NINL: variants seen among roughly 807,000 people sequenced by gnomAD.
The protein encoded by NINL is ninein like, also known as ninein-like protein.
NINL carries 153 observed loss-of-function variants against 160.3 expected under a neutral mutation model. That is an observed-to-expected ratio of 0.95 (90% CI 0.84 to 1.09). The LOEUF (loss-of-function observed/expected upper bound fraction) is 1.09. NINL is among the 50% of genes least tolerant of loss of function. NINL has a pLI of 0.00. For missense variants in NINL, 1,829 were observed against 1,764.0 expected (o/e 1.04, Z -0.66); for synonymous variants, 800 against 734.8 (o/e 1.09, Z -1.43).
chr20:25,585,521 C>T lies in NINL; in HGVS notation c.-78G>A, dbSNP rs1375807412. On this transcript the variant is annotated 5_prime_UTR_variant, in exon 1 of 24. Coordinates refer to ENST00000278886, the MANE Select transcript of NINL (RefSeq NM_025176.6). ...CGCGGCACCACCCCCGTACCGCCGG[C>T]CGCTCTTTGTGTCTGGAGGCCGCGA... 2.0e-5 allele frequency: 3 copies of T among 152,222 alleles called. No individual in the cohort carries two copies. Among genetic ancestry groups the T allele is most frequent in the African/African-American group, 7.2e-5 (3 of 41,462 alleles). The allele number at this position is 152,222 out of a possible 1,614,324, so 9.4% of individuals were successfully genotyped here. A position where few individuals can be genotyped will look rare whatever the true frequency, so the allele number is the denominator to read the frequency against.
At chr20:25,511,507 C>G (rs1373325587) in intron 4 of NINL, among the ~76,000 whole-genome samples, 2 of 152,218 alleles carry the variant, frequency 1.3e-5, no homozygotes, top group Non-Finnish European at 2.9e-5. Context: ...TGCTTCAAAG[C>G]TGGCACTGGC....
intron 1 of NINL, among the ~76,000 whole-genome samples, chr20:25,545,277 G>T (rs1434095446): frequency 6.6e-6 from 1 of 152,176 alleles, no homozygotes; most frequent in African/African-American, 2.4e-5. Flanking sequence ...TAAAGGAGGA[G>T]TCAGTTCCAC....
intron 17 of NINL, among the ~76,000 whole-genome samples, chr20:25,474,759 C>T (rs949067250): frequency 6.6e-6 from 1 of 151,408 alleles, no homozygotes; most frequent in Admixed American, 6.6e-5. Context: ...GGACTACAAG[C>T]GCATGCCACC....
intron 1 of NINL, among the ~76,000 whole-genome samples, chr20:25,531,982 T>C (rs920653903): frequency 6.6e-6 from 1 of 152,142 alleles, no homozygotes; most frequent in East Asian, 1.9e-4. Context: ...CATCTTTCCC[T>C]TTCTAAACAA....
chr20:25,467,242 T>G, intron 19 of NINL, 147 bp downstream of exon 19: 1 of 709,552 alleles, frequency 1.4e-6, no homozygotes, highest in Non-Finnish European at 2.5e-6. Context: ...TGTCTGACTT[T>G]GATGGGGCCT....
At chr20:25,579,313 G>A (rs550963885) in intron 1 of NINL, among the ~76,000 whole-genome samples, 3 of 152,190 alleles carry the variant, frequency 2.0e-5, no homozygotes, top group East Asian at 1.9e-4. Flanking sequence ...AGTACACCCC[G>A]GCTCAGCCTC....
At chr20:25,530,374 C>T (rs547523334) in intron 1 of NINL, among the ~76,000 whole-genome samples, 1 of 152,264 alleles carries the variant, frequency 6.6e-6, no homozygotes, top group Admixed American at 6.5e-5. Flanking sequence ...TTAAAAAATA[C>T]AACGTGCTCT....
intron 10 of NINL, among the ~76,000 whole-genome samples, chr20:25,494,621 G>A (rs2063711469): frequency 6.6e-6 from 1 of 152,214 alleles, no homozygotes; most frequent in African/African-American, 2.4e-5. Context: ...AACAGAGGCG[G>A]GGTGAGGCCC....
At chr20:25,568,161 G>GATAA (rs1030169425) in intron 1 of NINL, among the ~76,000 whole-genome samples, 9 of 149,764 alleles carry the variant, frequency 6.0e-5, no homozygotes, top group Non-Finnish European at 8.9e-5. Flanking sequence ...CAATAAAATT[G>GATAA]ATAAACCTCT....
chr20:25,473,392 G>C (rs567158929), intron 17 of NINL, among the ~76,000 whole-genome samples: 1 of 151,792 alleles, frequency 6.6e-6, no homozygotes, highest in South Asian at 2.1e-4. Flanking sequence ...GAGGCAGAAG[G>C]ATCGCTTGAG....
At chr20:25,454,464 A>AGAAAGGGTGAGAG (rs749796008) in intron 23 of NINL, among the ~76,000 whole-genome samples, 132 of 152,104 alleles carry the variant, frequency 8.7e-4, no homozygotes, top group Admixed American at 1.9e-3. Context: ...TGTGCCAGGG[A>AGAAAGGGTGAGAG]GAAAGGGTGA....
intron 19 of NINL, 120 bp downstream of exon 19, chr20:25,467,269 C>T: frequency 1.1e-6 from 1 of 907,602 alleles, no homozygotes. Flanking sequence ...CAGTCAGCAA[C>T]TCACTGTCAA....
At chr20:25,548,939 C>T (rs1340141083) in intron 1 of NINL, among the ~76,000 whole-genome samples, 2 of 148,820 alleles carry the variant, frequency 1.3e-5, no homozygotes, top group Non-Finnish European at 3.0e-5. Flanking sequence ...ACCTCCCACA[C>T]CCAGCCTCAC....
chr20:25,527,126 C>T (rs1251862927), intron 1 of NINL, among the ~76,000 whole-genome samples: 1 of 151,670 alleles, frequency 6.6e-6, no homozygotes, highest in African/African-American at 2.4e-5. Flanking sequence ...AAAAACACTA[C>T]TATTAATATT....
chr20:25,499,012 G>A, intron 8 of NINL: 1 of 985,466 alleles, frequency 1.0e-6, no homozygotes, highest in Non-Finnish European at 1.2e-6. Context: ...TTCCGCCTTG[G>A]GTATTCCTGG....
At chr20:25,457,603 T>C (rs2090720948) in intron 22 of NINL, among the ~76,000 whole-genome samples, 1 of 152,204 alleles carries the variant, frequency 6.6e-6, no homozygotes. Context: ...ACTTACACTT[T>C]ACAAACATCA....
At chr20:25,502,785 GCACCCCTT>G (rs2063893150) in intron 7 of NINL, among the ~76,000 whole-genome samples, 1 of 152,082 alleles carries the variant, frequency 6.6e-6, no homozygotes, top group African/African-American at 2.4e-5. Flanking sequence ...TGACCTGCCT[GCACCCCTT>G]CACCTTCTGC....
chr20:25,490,516 T>A (rs1357642916), intron 11 of NINL, among the ~76,000 whole-genome samples: 2 of 139,410 alleles, frequency 1.4e-5, no homozygotes, highest in African/African-American at 5.5e-5. Flanking sequence ...GTGGAGATCA[T>A]GCCACTGCAC....
chr20:25,540,986 C>A (rs2064654059), intron 1 of NINL, among the ~76,000 whole-genome samples: 1 of 150,864 alleles, frequency 6.6e-6, no homozygotes, highest in South Asian at 2.1e-4. Flanking sequence ...TGTTTCAGTC[C>A]CAAAAATCTA....
Sources: gnomAD v4.1 joint callset for allele counts (sites outside exome capture counted in the v4.1 genomes callset) on GRCh38, gnomAD v4.1.1 for gene constraint, MANE v1.5 for transcripts, NCBI Gene and HGNC (gene_info 2026-07-23, HGNC 2026-07-21) for gene names.